MAX: variants seen among roughly 807,000 people sequenced by gnomAD.
MAX encodes MYC associated transcriptional regulator X.
In MAX, 3 loss-of-function variants were observed where a neutral mutation model predicts 22.3. The ratio of observed to expected loss-of-function variants is 0.13; its 90% CI spans 0.06 to 0.35. The LOEUF (loss-of-function observed/expected upper bound fraction) is 0.35, where lower values mean the gene tolerates loss of function less well. MAX is among the 10% of genes least tolerant of loss of function. The probability of loss-of-function intolerance (pLI) is 1.00; values close to 1 mark genes in which losing one functional copy is unlikely to be tolerated. For synonymous variants in MAX, 72 were observed against 77.7 expected (o/e 0.93, Z 0.39); for missense variants, 119 against 209.4 (o/e 0.57, Z 2.66).
At chr14:65,070,663 G>A (rs2062978507), downstream of MAX, among the ~76,000 whole-genome samples, 1 of 152,240 alleles carries the variant, frequency 6.6e-6, no homozygotes, top group Non-Finnish European at 1.5e-5. The surrounding 1 kb of genome is among the most constrained non-coding windows in gnomAD (Gnocchi z 4.4). Flanking sequence ...GTGAGCTAGA[G>A]CATGCGGGCC....
chr14:65,070,918 T>A (rs2062981548), downstream of MAX, among the ~76,000 whole-genome samples: 1 of 152,266 alleles, frequency 6.6e-6, no homozygotes, highest in South Asian at 2.1e-4. The surrounding 1 kb of genome is among the most constrained non-coding windows in gnomAD (Gnocchi z 4.4). Context: ...GTCGCCAGTA[T>A]GTTAATGGTT....
chr14:65,042,651 A>C (rs1330992428), intron 3 of MAX, among the ~76,000 whole-genome samples: 4 of 152,142 alleles, frequency 2.6e-5, no homozygotes, highest in South Asian at 2.1e-4. Context: ...ACTCCCTTCC[A>C]TTTGCTTTGG....
At chr14:65,070,194 C>T (rs2062970923), downstream of MAX, among the ~76,000 whole-genome samples, 1 of 152,194 alleles carries the variant, frequency 6.6e-6, no homozygotes, top group Admixed American at 6.5e-5. This position sits in a 1 kb window ranked among gnomAD's most constrained non-coding sequence, Gnocchi z 4.4. Context: ...CAGAAGTAGG[C>T]TTTCTGGAGA....
intron 3 of MAX, among the ~76,000 whole-genome samples, chr14:65,046,549 G>A (rs1267398448): frequency 6.6e-6 from 1 of 152,160 alleles, no homozygotes; most frequent in East Asian, 1.9e-4. Context: ...TATGGAAAAG[G>A]GTGCCTATGA....
At chr14:65,035,001 G>A (rs918057415) in intron 3 of MAX, among the ~76,000 whole-genome samples, 1 of 152,242 alleles carries the variant, frequency 6.6e-6, no homozygotes, top group African/African-American at 2.4e-5. Flanking sequence ...GCAGCTCAGA[G>A]CTCAGTTCTT....
intron 3 of MAX, among the ~76,000 whole-genome samples, chr14:65,063,087 G>A (rs1269507971): frequency 6.6e-6 from 1 of 152,212 alleles, no homozygotes; most frequent in Non-Finnish European, 1.5e-5. Flanking sequence ...CCTCTCCCAT[G>A]GGAGGCCAAG....
chr14:65,101,785 T>C, intron 1 of MAX: 1 of 565,246 alleles, frequency 1.8e-6, no homozygotes, highest in South Asian at 2.1e-5. Context: ...CCGCCCCTCC[T>C]TCCGGGATCC....
Position 65,032,603 on chromosome 14 carries a change from T to C in MAX, c.172-26319A>G. ...GCTTAATGTGTTTCCCGTTTCTGTC[T>C]TTCCAGAAGCGCATACTGTGCTGCC... On this transcript the variant is annotated intron_variant, in intron 3 of 3. Transcript: ENST00000341653. The surrounding 1 kb of genome is among the most constrained non-coding windows in gnomAD (Gnocchi z 5.0). 1 of 1,613,148 alleles carries C rather than the reference T, an allele frequency of 6.2e-7. No individual in the cohort carries two copies. The highest frequency in any genetic ancestry group is 8.5e-7 in the Non-Finnish European group (1 of 1,179,868).
At chr14:65,037,762 T>G (rs1458268849) in intron 3 of MAX, among the ~76,000 whole-genome samples, 7 of 138,100 alleles carry the variant, frequency 5.1e-5, no homozygotes, top group Non-Finnish European at 7.6e-5. Flanking sequence ...ATTTATTTAT[T>G]TATTTATTTA....
At position 65,076,808 on chromosome 14, in the gene MAX, G is replaced by T. The variant is rs966815680; in HGVS notation, c.296-145C>A. On this transcript the variant is annotated intron_variant, in intron 4 of 4. Coordinates refer to ENST00000358664, the MANE Select transcript of MAX (RefSeq NM_002382.5). The surrounding 1 kb of genome is among the most constrained non-coding windows in gnomAD (Gnocchi z 6.6). The stretch of plus-strand genomic sequence containing the variant: ...AGATGCTCAGAAGTAGCTCCCTTCG[G>T]GTGGCTGTTCACTCACACACTTCAT... 4 of 884,052 alleles carry T rather than the reference G, an allele frequency of 4.5e-6. No homozygotes were observed. Among genetic ancestry groups the T allele is most frequent in the Admixed American group, 3.9e-5 (2 of 50,784 alleles). The allele number at this position is 884,052 out of a possible 1,614,324, so 54.8% of individuals were successfully genotyped here.
chr14:65,023,168 C>T lies in MAX; in HGVS notation c.172-16884G>A, dbSNP rs538054426. 1.3e-5 allele frequency among the ~76,000 whole-genome samples: 2 copies of T among 152,198 alleles called. No individual in the cohort carries two copies. The highest frequency in any genetic ancestry group is 2.4e-5 in the African/African-American group (1 of 41,448). ...GACTTCCCCAAGCTCAAGTGATCCTCCCACCTCAGCCTCCTGAGTAGCTGG... is the reference window on the plus strand; with the variant it reads ...GACTTCCCCAAGCTCAAGTGATCCTTCCACCTCAGCCTCCTGAGTAGCTGG... On this transcript the variant is annotated intron_variant, in intron 3 of 3. Transcript: ENST00000341653. This position sits in a 1 kb window ranked among gnomAD's most constrained non-coding sequence, Gnocchi z 4.1.
chr14:65,087,594 C>T (rs1160166046), intron 3 of MAX, among the ~76,000 whole-genome samples: 2 of 152,200 alleles, frequency 1.3e-5, no homozygotes, highest in Non-Finnish European at 2.9e-5. Context: ...TTTTTTTGAC[C>T]GATTTCTCCC....
intron 3 of MAX, among the ~76,000 whole-genome samples, chr14:65,022,447 G>A (rs182750912): frequency 6.6e-6 from 1 of 152,034 alleles, no homozygotes; most frequent in Non-Finnish European, 1.5e-5. Context: ...TTACCTACTA[G>A]AATGTTTATG....
At chr14:65,026,213 G>A (rs550361795) in intron 3 of MAX, among the ~76,000 whole-genome samples, 9 of 152,334 alleles carry the variant, frequency 5.9e-5, no homozygotes, top group African/African-American at 2.2e-4. Flanking sequence ...ACCCTGCTGA[G>A]CTGTGGAGAA....
intron 3 of MAX, chr14:65,061,134 C>T (rs1375372868): frequency 6.2e-7 from 1 of 1,603,648 alleles, no homozygotes; most frequent in Non-Finnish European, 8.5e-7. Context: ...GTTATGTTTT[C>T]AAGGACCACC....
rs2063848019 is a variant in MAX at position 65,101,754 on chromosome 14, A to T, written c.37-182T>A. On this transcript the variant is annotated intron_variant, in intron 1 of 4. Coordinates refer to ENST00000358664, the MANE Select transcript of MAX (RefSeq NM_002382.5). The stretch of plus-strand genomic sequence containing the variant: ...TCCACCCTCGGCGGGATCCGGTAGC[A>T]GGGTAGAGGGGTCCCGAGCGCCGCC... 14 of 590,000 alleles carry T rather than the reference A, an allele frequency of 2.4e-5. 1 individual carries two copies. The South Asian group carries it at 2.9e-4, about 12-fold the overall frequency. 36.5% of individuals were successfully genotyped at this position (590,000 alleles called of 1,614,324 possible).
At chr14:65,061,391 TTC>T in intron 3 of MAX, 1 of 1,587,784 alleles carries the variant, frequency 6.3e-7, no homozygotes, top group Admixed American at 1.7e-5. Context: ...ACATACTGCA[TTC>T]TGTGCTACAC....
intron 3 of MAX, among the ~76,000 whole-genome samples, chr14:65,055,829 C>A (rs1025320936): frequency 2.6e-5 from 4 of 152,124 alleles, no homozygotes; most frequent in Non-Finnish European, 5.9e-5. Flanking sequence ...ATCTTTGTTT[C>A]TTTTAATTGG....
At chr14:65,019,381 G>A (rs1330243439) in intron 3 of MAX, among the ~76,000 whole-genome samples, 1 of 151,732 alleles carries the variant, frequency 6.6e-6, no homozygotes, top group Non-Finnish European at 1.5e-5. Flanking sequence ...CAGCTACTCG[G>A]GAGACTGAAG....
Sources: allele counts gnomAD v4.1 joint callset (sites outside exome capture counted in the v4.1 genomes callset), GRCh38; gene constraint gnomAD v4.1.1; non-coding constraint Gnocchi (gnomAD v3.1); transcripts MANE v1.5; gene names NCBI Gene and HGNC (gene_info 2026-07-23, HGNC 2026-07-21).